Variants in HSPA4L observed in about 807,000 individuals in gnomAD.
HSPA4L encodes heat shock protein family A (Hsp70) member 4 like, also known as heat shock 70 kDa protein 4L.
A neutral mutation model predicts 100.3 loss-of-function variants in HSPA4L; 48 were observed. That is an observed-to-expected ratio of 0.48 (90% CI 0.38 to 0.61). The LOEUF (loss-of-function observed/expected upper bound fraction) is 0.61, where lower values mean the gene tolerates loss of function less well. HSPA4L is among the 20% of genes least tolerant of loss of function. HSPA4L has a pLI of 0.00. For synonymous variants in HSPA4L, 319 were observed against 328.2 expected (o/e 0.97, Z 0.30); for missense variants, 886 against 988.6 (o/e 0.90, Z 1.39).
chr4:127,804,202 C>A, intron 8 of HSPA4L, 115 bp downstream of exon 8: 3 of 765,684 alleles, frequency 3.9e-6, no homozygotes, highest in Non-Finnish European at 6.3e-6. Context: ...ATTTATATTT[C>A]TCATTTTAGG....
Position 127,801,913 on chromosome 4 carries a change from C to T in HSPA4L, c.658C>T (p.Leu220Phe). ...GGTTTGTGCTTTTAACAAAGGAAAA[C>T]TTAAAGTAAGTAAACACATGGTTTG... ...VLVCAFNKGK[L>F]KVLATTFDPY... Residue 220 changes from leucine (L) to phenylalanine (F), a missense_variant, in exon 6 of 19, where the codon CTT becomes TTT. Leu to Phe is a conservative substitution (Grantham distance 22). Transcript: ENST00000296464. The T allele has an allele frequency of 1.3e-6, 2 of 1,595,670 alleles. No homozygotes were observed. Among genetic ancestry groups the T allele is most frequent in the Non-Finnish European group, 1.7e-6 (2 of 1,171,056 alleles).
intron 17 of HSPA4L, among the ~76,000 whole-genome samples, chr4:127,830,025 A>G (rs1431202849): frequency 6.6e-6 from 1 of 152,102 alleles, no homozygotes; most frequent in African/African-American, 2.4e-5. Context: ...GGTTTTAAAA[A>G]TGGCATCACC....
In HSPA4L at chr4:127,808,150, C is replaced by G. The variant is rs1437045578; in HGVS notation, c.1378+21C>G. ...AATTGGTAAGATAAAAAAAAGTTCT[C>G]CATAACATTTTGGCCTTTTATAAAT... On this transcript the variant is annotated intron_variant, in intron 11 of 18. Coordinates refer to ENST00000296464, the MANE Select transcript of HSPA4L (RefSeq NM_014278.4). The G allele has an allele frequency of 2.5e-6, 4 of 1,573,250 alleles. No homozygotes were observed. The African/African-American group carries it at 4.1e-5, about 16-fold the overall frequency.
At chr4:127,813,331 C>T in intron 12 of HSPA4L, 1 of 627,116 alleles carries the variant, frequency 1.6e-6, no homozygotes. Flanking sequence ...ATCTTTCTTC[C>T]AAATTGATCA....
intron 8 of HSPA4L, 88 bp downstream of exon 8, chr4:127,804,175 C>G: frequency 9.6e-7 from 1 of 1,042,858 alleles, no homozygotes; most frequent in Non-Finnish European, 1.4e-6. Flanking sequence ...ATTTTTAAAA[C>G]TTTGTTTTTT....
intron 12 of HSPA4L, among the ~76,000 whole-genome samples, chr4:127,815,514 A>T (rs1476393498): frequency 6.6e-6 from 1 of 152,060 alleles, no homozygotes; most frequent in Non-Finnish European, 1.5e-5. Context: ...AAATTATCAC[A>T]TCTTAAACTA....
Position 127,801,146 on chromosome 4 carries a change from C to G in HSPA4L, c.438C>G (p.Ser146Arg). The G allele has an allele frequency of 6.2e-7, 1 of 1,609,960 alleles. No homozygotes were observed. The highest frequency in any genetic ancestry group is 8.5e-7 in the Non-Finnish European group (1 of 1,178,262). ...TTGTTTTTAAATACTAGATTCCTAGCTTTTTTACTGATGCCGAGAGAAGAT... is the reference window on the plus strand; with the variant it reads ...TTGTTTTTAAATACTAGATTCCTAGGTTTTTTACTGATGCCGAGAGAAGAT... Reference protein sequence around the residue: ...PVADCVISIPSFFTDAERRSV... With the variant: ...PVADCVISIPRFFTDAERRSV... The change falls in exon 5 of 19, where the codon AGC (serine) becomes AGG (arginine). Residue 146 changes from serine to arginine, a missense_variant. Transcript: ENST00000296464.
In HSPA4L at chr4:127,803,611, G is replaced by T; in HGVS notation, c.664-18G>T. 2.6e-6 allele frequency: 4 copies of T among 1,529,866 alleles called. No individual in the cohort carries two copies. The highest frequency in any genetic ancestry group is 3.5e-6 in the Non-Finnish European group (4 of 1,138,776). 94.8% of individuals were successfully genotyped at this position (1,529,866 alleles called of 1,614,324 possible). On this transcript the variant is annotated intron_variant, in intron 6 of 18. Transcript: ENST00000296464. ...TCTATATTTCTGAAAATACAGTTCT[G>T]CTTTTTCAATTAAACAGGTCTTGGC...
chr4:127,809,963 A>T (rs1056223658), intron 11 of HSPA4L, among the ~76,000 whole-genome samples: 2 of 152,202 alleles, frequency 1.3e-5, no homozygotes, highest in Non-Finnish European at 2.9e-5. Context: ...ATCCTAAAAT[A>T]TTATTTCTGA....
At position 127,832,793 on chromosome 4, in the gene HSPA4L, G is replaced by A; in HGVS notation, c.2439G>A (p.Gln813=). The A allele has an allele frequency of 6.2e-7, 1 of 1,613,676 alleles. No homozygotes were observed. Among genetic ancestry groups the A allele is most frequent in the South Asian group, 1.1e-5 (1 of 90,972 alleles). ...NSEHNGPMDG[Q]SGTETKSDST... ...AACACAATGGCCCAATGGATGGACA[G>A]AGTGGAACTGAAACTAAATCAGATT... is the stretch of plus-strand genomic sequence containing the variant. The change falls in exon 19 of 19, where the codon CAG becomes CAA. Residue 813 remains glutamine, a synonymous_variant. Transcript: ENST00000296464.
chr4:127,799,202 A>G (rs1032425403), intron 4 of HSPA4L, among the ~76,000 whole-genome samples: 1 of 152,150 alleles, frequency 6.6e-6, no homozygotes, highest in Admixed American at 6.5e-5. Context: ...CTACTATTCA[A>G]CTTGACTACA....
Position 127,813,160 on chromosome 4 carries a change from A to G in HSPA4L, c.1578+1524A>G, listed in dbSNP as rs576123040. The G allele has an allele frequency of 1.3e-3, 1,922 of 1,434,036 alleles. 2 individuals are homozygous for G. The highest frequency in any genetic ancestry group is 1.7e-3 in the Non-Finnish European group (1,798 of 1,031,204). The allele number at this position is 1,434,036 out of a possible 1,614,324, so 88.8% of individuals were successfully genotyped here. A position where few individuals can be genotyped will look rare whatever the true frequency, so the allele number is the denominator to read the frequency against. ...ATGTTTTCTAAAAGGCCTAGAGAAC[A>G]TATATCGGGTGCCTCTCCTCTTTCC... On this transcript the variant is annotated intron_variant, in intron 12 of 18. Coordinates refer to ENST00000296464, the MANE Select transcript of HSPA4L (RefSeq NM_014278.4).
chr4:127,815,967 C>T (rs184694381), intron 12 of HSPA4L, among the ~76,000 whole-genome samples: 1 of 152,134 alleles, frequency 6.6e-6, no homozygotes, highest in East Asian at 1.9e-4. Flanking sequence ...GGCACTGAGA[C>T]AGGAAGGCCT....
intron 4 of HSPA4L, 122 bp from the exon 5 acceptor site, chr4:127,801,016 C>T (rs1733159308): frequency 1.3e-5 from 8 of 607,486 alleles, no homozygotes; most frequent in Non-Finnish European, 1.6e-5. Flanking sequence ...AGTATTTTTC[C>T]TCTTTAGTTA....
chr4:127,794,070 G>C lies in HSPA4L; in HGVS notation c.108-7G>C. Reference sequence around the variant, plus strand: ...CATGGAACAAACTTTTTGTTTTTCTGGTTTAGGGCCTGTATATCATTGGGA... The same window carrying C: ...CATGGAACAAACTTTTTGTTTTTCTCGTTTAGGGCCTGTATATCATTGGGA... On this transcript the variant is annotated splice_polypyrimidine_tract_variant and splice_region_variant and intron_variant, in intron 1 of 18. Coordinates refer to ENST00000296464, the MANE Select transcript of HSPA4L (RefSeq NM_014278.4). 1.9e-6 allele frequency: 3 copies of C among 1,598,912 alleles called. No individual in the cohort carries two copies. Among genetic ancestry groups the C allele is most frequent in the Non-Finnish European group, 2.6e-6 (3 of 1,171,760 alleles).
At chr4:127,792,138 G>A (rs908407533) in intron 1 of HSPA4L, among the ~76,000 whole-genome samples, 8 of 152,114 alleles carry the variant, frequency 5.3e-5, no homozygotes, top group African/African-American at 1.9e-4. Flanking sequence ...TCAGTATGTA[G>A]GGTCCTCTCC....
rs923542243 is a variant in HSPA4L, at chr4:127,833,353, CAAAT to C, written c.*482_*485del. 6.6e-6 allele frequency: 1 copy of C among 152,616 alleles called. No individual in the cohort carries two copies. The highest frequency in any genetic ancestry group is 2.4e-5 in the African/African-American group (1 of 41,446). 9.5% of individuals were successfully genotyped at this position (152,616 alleles called of 1,614,324 possible). ...TATTGCTACAATTTAAATATTAAAA[CAAAT>C]AAGAGCTTTCTCAACAAATTAGTCC... is the stretch of plus-strand genomic sequence containing the variant. On this transcript the variant is annotated 3_prime_UTR_variant, in exon 19 of 19. Coordinates refer to ENST00000296464, the MANE Select transcript of HSPA4L (RefSeq NM_014278.4).
In HSPA4L at chr4:127,822,861, G is replaced by T; in HGVS notation, c.1905G>T (p.Leu635=). 1 of 1,612,870 alleles carries T rather than the reference G, an allele frequency of 6.2e-7. No individual in the cohort carries two copies. Among genetic ancestry groups the T allele is most frequent in the Non-Finnish European group, 8.5e-7 (1 of 1,179,088 alleles). ...EEYVYDFRDR[L]GTVYEKFITP... is the part of the protein sequence containing the mutation. ...ATGTATATGATTTTAGAGACAGGCT[G>T]GGCACTGTCTATGAAAAATTCATCA... is the stretch of plus-strand genomic sequence containing the variant. The change falls in exon 15 of 19, where the codon CTG becomes CTT. Residue 635 remains leucine, a synonymous_variant. Coordinates refer to ENST00000296464, the MANE Select transcript of HSPA4L (RefSeq NM_014278.4).
chr4:127,818,404 C>CAGG lies in HSPA4L; in HGVS notation c.1661_1663dup (p.Gly554dup). ...ACTCCAGAAGAGGAAATTGATCATA[C>CAGG]AGGAGCCAAAACAAAGGTTTGGTTT... On this transcript the variant is annotated inframe_insertion, in exon 13 of 19. Transcript: ENST00000296464. The CAGG allele has an allele frequency of 6.2e-7, 1 of 1,602,614 alleles. No individual in the cohort carries two copies. The highest frequency in any genetic ancestry group is 8.5e-7 in the Non-Finnish European group (1 of 1,173,454).
Sources: gnomAD v4.1 joint callset for allele counts (sites outside exome capture counted in the v4.1 genomes callset) on GRCh38, gnomAD v4.1.1 for gene constraint, MANE v1.5 for transcripts, NCBI Gene and HGNC (gene_info 2026-07-23, HGNC 2026-07-21) for gene names.